LRRC37A2: variants seen among roughly 807,000 people sequenced by gnomAD.
LRRC37A2 encodes leucine-rich repeat-containing protein 37A2.
In LRRC37A2, 9 loss-of-function variants were observed where a neutral mutation model predicts 68.8. The observed-to-expected ratio is 0.13, with a 90% CI of 0.08 to 0.23. LRRC37A2 has a LOEUF of 0.23. Among genes scored for constraint, LRRC37A2 ranks in the 10% least tolerant of loss-of-function variants. LRRC37A2 has a pLI of 1.00. For missense variants in LRRC37A2, 168 were observed against 950.4 expected, an observed-to-expected ratio of 0.18 and a Z score of 10.82; for synonymous variants, 63 against 367.6, an observed-to-expected ratio of 0.17 and a Z score of 9.48.
At chr17:46,755,122 C>G in the LRRC37A2 span, among the ~76,000 whole-genome samples, 1 of 152,234 alleles carries the variant, frequency 6.6e-6, no homozygotes, top group African/African-American at 2.4e-5. Context: ...CTGGAAAACC[C>G]CATTCACTTC....
chr17:46,744,587 C>T, the LRRC37A2 span, among the ~76,000 whole-genome samples: 2 of 151,954 alleles, frequency 1.3e-5, no homozygotes, highest in Non-Finnish European at 2.9e-5. Flanking sequence ...TTCCATTTCA[C>T]TGCAGTATTA....
the LRRC37A2 span, chr17:46,711,152 T>A: frequency 1.4e-6 from 2 of 1,462,814 alleles, no homozygotes; most frequent in Admixed American, 5.8e-5. Flanking sequence ...CATTAAAAGT[T>A]AAAGGAAAAA....
chr17:46,808,503 G>C, the LRRC37A2 span, among the ~76,000 whole-genome samples: 4 of 152,188 alleles, frequency 2.6e-5, no homozygotes, highest in African/African-American at 9.7e-5. Flanking sequence ...AAGGAAAAAG[G>C]CTTTAGGTCC....
At chr17:46,900,219 A>T in the LRRC37A2 span, among the ~76,000 whole-genome samples, 205 of 133,832 alleles carry the variant, frequency 1.5e-3, 4 homozygotes, top group African/African-American at 6.6e-3. Context: ...ACACACACAC[A>T]CATATATATA....
At chr17:46,792,004 C>T in the LRRC37A2 span, among the ~76,000 whole-genome samples, 5 of 152,178 alleles carry the variant, frequency 3.3e-5, no homozygotes, top group African/African-American at 4.8e-5. Context: ...TGCACCACTG[C>T]ACTCCAGCCT....
chr17:46,721,134 C>T, the LRRC37A2 span, among the ~76,000 whole-genome samples: 162 of 152,288 alleles, frequency 1.1e-3, no homozygotes, highest in African/African-American at 3.7e-3. Context: ...TCAGTGCTCA[C>T]GGAGTGCATG....
chr17:46,899,454 GAC>G, the LRRC37A2 span, among the ~76,000 whole-genome samples: 1 of 152,026 alleles, frequency 6.6e-6, no homozygotes, highest in Admixed American at 6.6e-5. Context: ...TACTGACATT[GAC>G]ACACAGACAA....
the LRRC37A2 span, among the ~76,000 whole-genome samples, chr17:47,007,241 G>A: frequency 6.6e-6 from 1 of 152,064 alleles, no homozygotes; most frequent in East Asian, 1.9e-4. Context: ...GCGGTGTTGT[G>A]ATCTTGGCTC....
At chr17:46,853,363 CTTTTTTT>C in the LRRC37A2 span, among the ~76,000 whole-genome samples, 11 of 78,908 alleles carry the variant, frequency 1.4e-4, no homozygotes, top group East Asian at 2.5e-3. Context: ...ATGCTAGTGA[CTTTTTTT>C]TTTTTTTTTT....
chr17:46,722,268 G>A, the LRRC37A2 span: 18 of 956,498 alleles, frequency 1.9e-5, no homozygotes, highest in African/African-American at 2.7e-4. Flanking sequence ...ATTTTGGGGG[G>A]AGTCTGTAAG....
chr17:46,794,330 C>G, the LRRC37A2 span, among the ~76,000 whole-genome samples: 1 of 152,248 alleles, frequency 6.6e-6, no homozygotes, highest in East Asian at 1.9e-4. Context: ...ATCTTACTAG[C>G]GGTGAAGAGG....
chr17:46,770,140 G>C, the LRRC37A2 span: 1 of 1,442,398 alleles, frequency 6.9e-7, no homozygotes, highest in Non-Finnish European at 9.1e-7. Context: ...TGAGGGGAAC[G>C]AGGCCAGGAA....
intron 8 of LRRC37A2, among the ~76,000 whole-genome samples, chr17:46,541,271 A>G (rs893219182): frequency 4.0e-5 from 6 of 150,206 alleles, no homozygotes; most frequent in Non-Finnish European, 2.9e-5. Flanking sequence ...TTTGTTTTTG[A>G]AATGGAATCT....
At chr17:46,871,659 A>AG in the LRRC37A2 span, among the ~76,000 whole-genome samples, 1 of 152,218 alleles carries the variant, frequency 6.6e-6, no homozygotes, top group Non-Finnish European at 1.5e-5. Flanking sequence ...AGTTTCCAGA[A>AG]GGGAAAAAAC....
the LRRC37A2 span, among the ~76,000 whole-genome samples, chr17:46,903,375 G>A: frequency 6.6e-6 from 1 of 152,074 alleles, no homozygotes; most frequent in African/African-American, 2.4e-5. Flanking sequence ...TAGCCCCTTG[G>A]CACCATGAGC....
chr17:46,666,045 G>T, the LRRC37A2 span, among the ~76,000 whole-genome samples: 16,723 of 147,172 alleles, frequency 0.11, 796 homozygotes, highest in East Asian at 0.43. Flanking sequence ...CGGCAGAGCA[G>T]GGTGTGTGCT....
the LRRC37A2 span, among the ~76,000 whole-genome samples, chr17:46,767,649 C>G: frequency 6.6e-6 from 1 of 152,218 alleles, no homozygotes; most frequent in African/African-American, 2.4e-5. Context: ...TTCCAGCCCC[C>G]CATCTCCAAA....
chr17:47,027,908 C>T, the LRRC37A2 span, among the ~76,000 whole-genome samples: 1 of 152,194 alleles, frequency 6.6e-6, no homozygotes, highest in Non-Finnish European at 1.5e-5. Context: ...TGTGAGTGTG[C>T]TCCTGGCATC....
At chr17:46,534,928 T>C (rs1195942436) in intron 6 of LRRC37A2, among the ~76,000 whole-genome samples, 2 of 148,236 alleles carry the variant, frequency 1.3e-5, no homozygotes, top group African/African-American at 2.6e-5. Flanking sequence ...ACTTCTCAGA[T>C]GGGGCGGCTG....
Sources: gnomAD v4.1 joint callset for allele counts (sites outside exome capture counted in the v4.1 genomes callset) on GRCh38, gnomAD v4.1.1 for gene constraint, MANE v1.5 for transcripts, NCBI Gene and HGNC (gene_info 2026-07-23, HGNC 2026-07-21) for gene names.